The following CYLD variants were observed in gnomAD, a reference collection of about 807,000 sequenced individuals.
The protein encoded by CYLD is CYLD lysine 63 deubiquitinase.
Under a neutral mutation model 104.5 loss-of-function variants are expected in CYLD, and 26 were observed. The ratio of observed to expected loss-of-function variants is 0.25; its 90% CI spans 0.18 to 0.35. The LOEUF (loss-of-function observed/expected upper bound fraction) is 0.35. CYLD is among the 10% of genes least tolerant of loss of function. The pLI, the probability that CYLD is intolerant of heterozygous loss-of-function variation, is 1.00. For missense variants in CYLD, 703 were observed against 1,136.1 expected, an observed-to-expected ratio of 0.62 and a Z score of 5.48; for synonymous variants, 385 against 399.9, an observed-to-expected ratio of 0.96 and a Z score of 0.45.
rs528809479 is a variant in CYLD, at chr16:50,749,567, T to C, written c.-123-9T>C. ...TCACTAGGCATTTTGATTTCCTTTC[T>C]TTTTACAGCATGGACACCACGTTGC... On this transcript the variant is annotated splice_polypyrimidine_tract_variant and intron_variant, in intron 2 of 18. Transcript: ENST00000427738. 8 of 897,230 alleles carry C rather than the reference T, an allele frequency of 8.9e-6. No individual in the cohort carries two copies. In the East Asian group the frequency reaches 1.3e-4, roughly 15 times the overall value. The allele number at this position is 897,230 out of a possible 1,614,324, so 55.6% of individuals were successfully genotyped here.
chr16:50,769,962 A>C (rs953933863), intron 5 of CYLD, among the ~76,000 whole-genome samples: 1 of 152,188 alleles, frequency 6.6e-6, no homozygotes, highest in African/African-American at 2.4e-5. Context: ...ATTTATCTAC[A>C]TTATTTTATA....
At chr16:50,791,727 T>G in intron 15 of CYLD, 37 bp downstream of exon 15, 1 of 1,608,800 alleles carries the variant, frequency 6.2e-7, no homozygotes, top group South Asian at 1.1e-5. Flanking sequence ...TATGTGAAAG[T>G]CTGTGGGAGT....
chr16:50,748,289 C>T (rs1476488469), intron 2 of CYLD, among the ~76,000 whole-genome samples: 1 of 152,064 alleles, frequency 6.6e-6, no homozygotes, highest in Non-Finnish European at 1.5e-5. Flanking sequence ...GAAGTAAAGT[C>T]TCAGTTTAAA....
intron 5 of CYLD, among the ~76,000 whole-genome samples, chr16:50,771,212 A>G (rs1238753261): frequency 6.8e-6 from 1 of 147,854 alleles, no homozygotes; most frequent in Non-Finnish European, 1.5e-5. Flanking sequence ...TCTGCTTTCT[A>G]TCTCTACAGA....
In CYLD at chr16:50,800,125, C is replaced by T. The variant is rs969753351; in HGVS notation, c.*3617C>T. 1 of 232,950 alleles carries T rather than the reference C, an allele frequency of 4.3e-6. No individual in the cohort carries two copies. Among genetic ancestry groups the T allele is most frequent in the Non-Finnish European group, 8.5e-6 (1 of 117,940 alleles). The allele number at this position is 232,950 out of a possible 1,614,324, so 14.4% of individuals were successfully genotyped here. A position where few individuals can be genotyped will look rare whatever the true frequency, so the allele number is the denominator to read the frequency against. ...TCACTTGCTCTGTACACTTAGACAA[C>T]AGCTTGACCTCTTGAGCTTTAGTTT... On this transcript the variant is annotated 3_prime_UTR_variant, in exon 19 of 19. Coordinates refer to ENST00000427738, the MANE Select transcript of CYLD (RefSeq NM_001378743.1).
At chr16:50,745,228 G>A (rs892484136) in intron 2 of CYLD, among the ~76,000 whole-genome samples, 1 of 152,050 alleles carries the variant, frequency 6.6e-6, no homozygotes, top group African/African-American at 2.4e-5. Context: ...GCCCTACGGT[G>A]ACTTTGAATT....
At chr16:50,747,212 A>T (rs1260463589) in intron 2 of CYLD, among the ~76,000 whole-genome samples, 2 of 152,206 alleles carry the variant, frequency 1.3e-5, no homozygotes, top group African/African-American at 4.8e-5. Context: ...GAATGTATGC[A>T]TTCCTCTTTT....
intron 5 of CYLD, among the ~76,000 whole-genome samples, chr16:50,765,801 C>T (rs75160718): frequency 0.031 from 4,772 of 152,034 alleles, 134 homozygotes; most frequent in Admixed American, 0.083. Context: ...CAGCACATTC[C>T]CTTAAGCCAA....
At chr16:50,774,480 G>T (rs1969464275) in intron 5 of CYLD, among the ~76,000 whole-genome samples, 1 of 152,178 alleles carries the variant, frequency 6.6e-6, no homozygotes, top group Admixed American at 6.5e-5. Flanking sequence ...AATAATCAGA[G>T]AAGAGACAAT....
rs185818654 is a variant in CYLD, at chr16:50,791,434, A to G, written c.2109-124A>G. On this transcript the variant is annotated intron_variant, in intron 14 of 18. Transcript: ENST00000427738. ...TTTATTTCTCTCTGTTGTTCTGACT[A>G]TCCAAAGCTACACCATCAATTTTAT... 1.3e-3 allele frequency: 1,174 copies of G among 935,382 alleles called. 5 individuals are homozygous for G. The African/African-American group carries it at 0.017, about 14-fold the overall frequency. The allele number at this position is 935,382 out of a possible 1,614,324, so 57.9% of individuals were successfully genotyped here.
chr16:50,783,428 A>G (rs1970473680), intron 11 of CYLD, among the ~76,000 whole-genome samples: 1 of 152,224 alleles, frequency 6.6e-6, no homozygotes, highest in Admixed American at 6.5e-5. Flanking sequence ...TTTGCAGAAT[A>G]CTTTGACAAA....
chr16:50,769,154 C>T (rs529600193), intron 5 of CYLD, among the ~76,000 whole-genome samples: 17 of 151,840 alleles, frequency 1.1e-4, no homozygotes, highest in Non-Finnish European at 1.9e-4. Flanking sequence ...AATTTGTGTA[C>T]GAATCTTTGT....
At chr16:50,772,949 T>G (rs1438972629) in intron 5 of CYLD, among the ~76,000 whole-genome samples, 2 of 152,228 alleles carry the variant, frequency 1.3e-5, no homozygotes, top group African/African-American at 4.8e-5. Context: ...GAATTTTTCA[T>G]ATACTATTAT....
chr16:50,791,498 A>T (rs761678240), intron 14 of CYLD, 60 bp from the exon 15 acceptor site: 68 of 1,591,930 alleles, frequency 4.3e-5, no homozygotes, highest in Non-Finnish European at 5.2e-5. Context: ...ACAACTTAAC[A>T]TTTTGATTTA....
At chr16:50,790,420 C>T (rs1971312436) in intron 14 of CYLD, among the ~76,000 whole-genome samples, 1 of 152,198 alleles carries the variant, frequency 6.6e-6, no homozygotes, top group Non-Finnish European at 1.5e-5. Flanking sequence ...CTTACCTCTA[C>T]TACTTCCTGG....
At chr16:50,765,112 C>G (rs542873446) in intron 5 of CYLD, among the ~76,000 whole-genome samples, 23 of 152,212 alleles carry the variant, frequency 1.5e-4, no homozygotes, top group African/African-American at 5.5e-4. Flanking sequence ...AATTTTATAG[C>G]GCTTTTCTTT....
intron 5 of CYLD, among the ~76,000 whole-genome samples, chr16:50,758,113 A>G (rs1967474588): frequency 1.3e-5 from 2 of 152,222 alleles, no homozygotes; most frequent in Admixed American, 6.5e-5. Flanking sequence ...ATGAAAAATG[A>G]TAAACACAGT....
rs141839856 is a variant in CYLD at position 50,793,970 on chromosome 16, C to T, written c.2470-242C>T. 3.2e-4 allele frequency among the ~76,000 whole-genome samples: 48 copies of T among 151,220 alleles called. No individual in the cohort carries two copies. In the East Asian group the frequency reaches 8.4e-3, roughly 26 times the overall value. On this transcript the variant is annotated intron_variant, in intron 17 of 18. Coordinates refer to ENST00000427738, the MANE Select transcript of CYLD (RefSeq NM_001378743.1). ...TGAGAGACTGAGAGAGACTAATGCC[C>T]AGGCTGGAGTGCAGTGGCACGATCT...
At chr16:50,795,187 T>TG (rs1971897372) in intron 18 of CYLD, among the ~76,000 whole-genome samples, 1 of 152,222 alleles carries the variant, frequency 6.6e-6, no homozygotes, top group African/African-American at 2.4e-5. Context: ...TTTAACTCAG[T>TG]CTTTCTGATC....
Sources: allele counts gnomAD v4.1 joint callset (sites outside exome capture counted in the v4.1 genomes callset), GRCh38; gene constraint gnomAD v4.1.1; transcripts MANE v1.5; gene names NCBI Gene and HGNC (gene_info 2026-07-23, HGNC 2026-07-21).